Variants in MED1 observed in about 807,000 individuals in gnomAD.
The protein encoded by MED1 is mediator complex subunit 1.
Under a neutral mutation model 121.3 loss-of-function variants are expected in MED1, and 17 were observed. The observed-to-expected ratio is 0.14, with a 90% CI of 0.10 to 0.21. The LOEUF is 0.21. Among genes scored for constraint, MED1 ranks in the 10% least tolerant of loss-of-function variants. The pLI, the probability that MED1 is intolerant of heterozygous loss-of-function variation, is 1.00. For synonymous variants in MED1, 661 were observed against 694.4 expected (o/e 0.95, Z 0.76); for missense variants, 1,558 against 1,919.4 (o/e 0.81, Z 3.52).
chr17:39,415,302 G>A lies in MED1; in HGVS notation c.1335C>T (p.Leu445=). 1 of 1,613,722 alleles carries A rather than the reference G, an allele frequency of 6.2e-7. No homozygotes were observed. The highest frequency in any genetic ancestry group is 8.5e-7 in the Non-Finnish European group (1 of 1,179,706). Residue 445 remains leucine, a synonymous_variant, in exon 15 of 17, where the codon CTC becomes CTT. Transcript: ENST00000300651. ...PGLLQFEVCP[L]SESRFSVSFQ... ...AAGATACGCTGAAACGAGACTCTGAGAGAGGACACACTTCAAATTGGAGAA... is the reference window on the plus strand; with the variant it reads ...AAGATACGCTGAAACGAGACTCTGAAAGAGGACACACTTCAAATTGGAGAA...
intron 12 of MED1, 42 bp downstream of exon 12, chr17:39,423,655 C>T: frequency 6.2e-7 from 1 of 1,612,070 alleles, no homozygotes; most frequent in Non-Finnish European, 8.5e-7. Context: ...GTTTCTTTTT[C>T]ACATTTATAA....
rs752869828 is a variant in MED1, at chr17:39,406,999, G to A, written c.*476C>T. ...TCCTTCATTTGCCCATGACTCAAACGGACAACTACCTCAAACAAAGTTGAA... is the reference window on the plus strand; with the variant it reads ...TCCTTCATTTGCCCATGACTCAAACAGACAACTACCTCAAACAAAGTTGAA... On this transcript the variant is annotated 3_prime_UTR_variant, in exon 17 of 17. Transcript: ENST00000300651. The A allele has an allele frequency of 3.4e-5, 34 of 986,350 alleles. No homozygotes were observed. The highest frequency in any genetic ancestry group is 7.0e-5 in the African/African-American group (4 of 57,156). The allele number at this position is 986,350 out of a possible 1,614,324, so 61.1% of individuals were successfully genotyped here.
rs2048327601 is a variant in MED1, at chr17:39,408,741, C to A, written c.3480G>T (p.Lys1160Asn). 1 of 1,614,130 alleles carries A rather than the reference C, an allele frequency of 6.2e-7. No homozygotes were observed. Among genetic ancestry groups the A allele is most frequent in the African/African-American group, 1.3e-5 (1 of 75,044 alleles). The change falls in exon 17 of 17, where the codon AAG becomes AAT. Residue 1160 changes from lysine (K) to asparagine (N), a missense_variant. By Grantham distance (94) the Lys-to-Asn change is moderately conservative. Around this residue, in one of 5 missense-constraint regions of MED1, gnomAD observed 793 missense variants for 898.2 expected, o/e 0.88. Coordinates refer to ENST00000300651, the MANE Select transcript of MED1 (RefSeq NM_004774.4). The surrounding 1 kb of genome is among the most constrained non-coding windows in gnomAD (Gnocchi z 4.7). Reference protein sequence around the residue: ...GGKPGSSPITKHGLSSGSSST... With the variant: ...GGKPGSSPITNHGLSSGSSST... Reference sequence around the variant, plus strand: ...TGCTAGAGCCACTGCTCAGTCCATGCTTGGTTATGGGAGAGGAGCCTGGCT... The same window carrying A: ...TGCTAGAGCCACTGCTCAGTCCATGATTGGTTATGGGAGAGGAGCCTGGCT...
intron 6 of MED1, among the ~76,000 whole-genome samples, chr17:39,436,217 C>T (rs1455765627): frequency 3.3e-5 from 5 of 151,788 alleles, no homozygotes; most frequent in East Asian, 3.9e-4. Context: ...AAAAATTATC[C>T]GGGCATGGTG....
chr17:39,412,416 C>T (rs1248204466), intron 16 of MED1, among the ~76,000 whole-genome samples: 1 of 150,534 alleles, frequency 6.6e-6, no homozygotes, highest in Non-Finnish European at 1.5e-5. Flanking sequence ...TTAGTAGAGA[C>T]AGGGTTTCTC....
intron 16 of MED1, among the ~76,000 whole-genome samples, chr17:39,414,339 T>C (rs2144722984): frequency 7.0e-6 from 1 of 143,154 alleles, no homozygotes; most frequent in Middle Eastern, 3.6e-3. Context: ...GAAAACAACA[T>C]TTTTTTTTTT....
At position 39,407,916 on chromosome 17, in the gene MED1, G is replaced by T. The variant is rs2048318682; in HGVS notation, c.4305C>A (p.Leu1435=). 1 of 1,614,032 alleles carries T rather than the reference G, an allele frequency of 6.2e-7. No homozygotes were observed. Among genetic ancestry groups the T allele is most frequent in the South Asian group, 1.1e-5 (1 of 91,080 alleles). The change falls in exon 17 of 17, where the codon CTC becomes CTA. Residue 1435 remains leucine (L), a synonymous_variant. Coordinates refer to ENST00000300651, the MANE Select transcript of MED1 (RefSeq NM_004774.4). The part of the protein sequence containing the change: ...MASSKNYGSP[L]ISGSTPKHER... ...CATGCTTTGGAGTGGAACCACTGAT[G>T]AGTGGAGAGCCATAGTTTTTAGAAG...
At chr17:39,433,796 A>G (rs35149345) in intron 7 of MED1, among the ~76,000 whole-genome samples, 2 of 152,086 alleles carry the variant, frequency 1.3e-5, no homozygotes, top group Non-Finnish European at 2.9e-5. Flanking sequence ...TGAGCTCAAG[A>G]AATCTTCCTG....
At chr17:39,444,247 A>G (rs998080355) in intron 2 of MED1, among the ~76,000 whole-genome samples, 1 of 152,140 alleles carries the variant, frequency 6.6e-6, no homozygotes, top group African/African-American at 2.4e-5. Context: ...GGTGGCTCAC[A>G]CCTGTAATCC....
In MED1 at chr17:39,436,074, A is replaced by G. The variant is rs182458938; in HGVS notation, c.429-1754T>C. On this transcript the variant is annotated intron_variant, in intron 6 of 16. Transcript: ENST00000300651. ...GCAACAGAGTGACACACCATCTCGAAAAAAAAGGCCGGGTGCGGTGGCTCA... is the reference window on the plus strand; with the variant it reads ...GCAACAGAGTGACACACCATCTCGAGAAAAAAGGCCGGGTGCGGTGGCTCA... Among the ~76,000 whole-genome samples, 298 of 152,092 alleles carry G rather than the reference A, an allele frequency of 2.0e-3. 1 individual carries two copies. Among genetic ancestry groups the G allele is most frequent in the Middle Eastern group, 6.8e-3 (2 of 292 alleles).
chr17:39,442,870 A>ACTCCAGCC (rs1200263091), intron 3 of MED1, among the ~76,000 whole-genome samples: 1 of 132,694 alleles, frequency 7.5e-6, no homozygotes, highest in Non-Finnish European at 1.5e-5. Flanking sequence ...CCACCACTGC[A>ACTCCAGCC]CTCCAGCCAG....
intron 16 of MED1, among the ~76,000 whole-genome samples, chr17:39,410,927 T>C (rs556752333): frequency 7.2e-5 from 11 of 152,322 alleles, no homozygotes; most frequent in African/African-American, 2.6e-4. Flanking sequence ...CAACCTCTTA[T>C]GAATCACACA....
rs767185956 is a variant in MED1 at position 39,409,946 on chromosome 17, G to A, written c.2275C>T (p.Pro759Ser). 9 of 1,614,016 alleles carry A rather than the reference G, an allele frequency of 5.6e-6. No individual in the cohort carries two copies. The Admixed American group carries it at 8.3e-5, about 15-fold the overall frequency. The change falls in exon 17 of 17, where the codon CCC becomes TCC. Residue 759 changes from proline to serine, a missense_variant. This residue lies in a region of MED1 where 793 missense variants were observed against 898.2 expected (regional missense o/e 0.88). Coordinates refer to ENST00000300651, the MANE Select transcript of MED1 (RefSeq NM_004774.4). The part of the protein sequence containing the change: ...PTTYPQPVPH[P>S]QPSIQRMVRL... Reference sequence around the variant, plus strand: ...ACCATCCTTTGAATACTGGGTTGGGGGTGAGGTACTGGTTGTGGGTAAGTT... The same window carrying A: ...ACCATCCTTTGAATACTGGGTTGGGAGTGAGGTACTGGTTGTGGGTAAGTT...
intron 10 of MED1, among the ~76,000 whole-genome samples, chr17:39,427,234 T>C (rs2048523065): frequency 6.6e-6 from 1 of 152,128 alleles, no homozygotes; most frequent in Non-Finnish European, 1.5e-5. Context: ...CAGACTGGAG[T>C]GCAGTGACGC....
rs550980651 is a variant in MED1, at chr17:39,410,094, C to T, written c.2127G>A (p.Gln709=). ...KPKHQTEDDF[Q]RELFSMDVDS... is the part of the protein sequence containing the mutation. ...CAACATCCATTGAAAATAGCTCCCTCTGAAAGTCATCTTCAGTCTGGTGCT... is the reference window on the plus strand; with the variant it reads ...CAACATCCATTGAAAATAGCTCCCTTTGAAAGTCATCTTCAGTCTGGTGCT... Residue 709 remains glutamine, a synonymous_variant, in exon 17 of 17, where the codon CAG becomes CAA. Transcript: ENST00000300651. 6.2e-7 allele frequency: 1 copy of T among 1,614,086 alleles called. No individual in the cohort carries two copies.
chr17:39,451,155 G>C lies in MED1; in HGVS notation c.-93C>G. 7.0e-7 allele frequency: 1 copy of C among 1,424,414 alleles called. No individual in the cohort carries two copies. The highest frequency in any genetic ancestry group is 1.4e-5 in the African/African-American group (1 of 70,620). The allele number at this position is 1,424,414 out of a possible 1,614,324, so 88.2% of individuals were successfully genotyped here. A position where few individuals can be genotyped will look rare whatever the true frequency, so the allele number is the denominator to read the frequency against. ...ACAAGTTGGCTCGGGATCCCGGGAC[G>C]CAGGGCACCAGCAGTCCCTACTCTT... On this transcript the variant is annotated 5_prime_UTR_variant, in exon 1 of 17. Coordinates refer to ENST00000300651, the MANE Select transcript of MED1 (RefSeq NM_004774.4).
At position 39,409,958 on chromosome 17, in the gene MED1, G is replaced by C; in HGVS notation, c.2263C>G (p.Pro755Ala). ...CSTPPTTYPQPVPHPQPSIQR... is the reference protein window; with the variant it reads ...CSTPPTTYPQAVPHPQPSIQR... ...ATACTGGGTTGGGGGTGAGGTACTG[G>C]TTGTGGGTAAGTTGTTGGGGGAGTG... The change falls in exon 17 of 17, where the codon CCA becomes GCA. Residue 755 changes from proline (P) to alanine (A), a missense_variant. By Grantham distance (27) the Pro-to-Ala change is conservative. Transcript: ENST00000300651. The C allele has an allele frequency of 1.9e-6, 3 of 1,614,142 alleles. No individual in the cohort carries two copies. The highest frequency in any genetic ancestry group is 2.5e-6 in the Non-Finnish European group (3 of 1,180,012).
At position 39,407,854 on chromosome 17, in the gene MED1, T is replaced by C. The variant is rs2144711727; in HGVS notation, c.4367A>G (p.Tyr1456Cys). 1.2e-6 allele frequency: 2 copies of C among 1,614,168 alleles called. No homozygotes were observed. The highest frequency in any genetic ancestry group is 1.7e-6 in the Non-Finnish European group (2 of 1,180,036). Reference sequence around the variant, plus strand: ...TTCACTGTCCAGATTCTGGGGGGTATATGCTGGTGACTTACTATGGCTGGG... The same window carrying C: ...TTCACTGTCCAGATTCTGGGGGGTACATGCTGGTGACTTACTATGGCTGGG... Reference protein sequence around the residue: ...GSPSHSKSPAYTPQNLDSESE... With the variant: ...GSPSHSKSPACTPQNLDSESE... The change falls in exon 17 of 17, where the codon TAT becomes TGT. Residue 1456 changes from tyrosine to cysteine, a missense_variant. Physicochemically the swap from Tyr to Cys is radical, Grantham distance 194. This residue lies in a region of MED1 where 264 missense variants were observed against 326.1 expected (regional missense o/e 0.81). Transcript: ENST00000300651.
intron 6 of MED1, among the ~76,000 whole-genome samples, chr17:39,438,903 C>A (rs1370931636): frequency 3.9e-5 from 6 of 152,122 alleles, no homozygotes. Flanking sequence ...GAGCTGAGAT[C>A]GCGCCACTGC....
Sources: allele counts gnomAD v4.1 joint callset (sites outside exome capture counted in the v4.1 genomes callset), GRCh38; gene constraint gnomAD v4.1.1; regional missense constraint gnomAD v4.1.1; non-coding constraint Gnocchi (gnomAD v3.1); transcripts MANE v1.5; gene names NCBI Gene and HGNC (gene_info 2026-07-23, HGNC 2026-07-21).